The following CEP350 variants were observed in gnomAD, a reference collection of about 807,000 sequenced individuals.
The protein encoded by CEP350 is centrosome-associated protein 350.
A neutral mutation model predicts 331.8 loss-of-function variants in CEP350; 126 were observed. The observed-to-expected ratio is 0.38, with a 90% CI of 0.33 to 0.44. The LOEUF is 0.44. Ranked by LOEUF, CEP350 falls within the 20% of genes least tolerant of loss-of-function variation. The pLI is 1.00. For synonymous variants in CEP350, 1,200 were observed against 1,259.5 expected (o/e 0.95, Z 1.00); for missense variants, 3,406 against 3,634.6 (o/e 0.94, Z 1.62).
At chr1:180,045,281 G>A (rs1478275014) in intron 21 of CEP350, among the ~76,000 whole-genome samples, 1 of 152,152 alleles carries the variant, frequency 6.6e-6, no homozygotes. Context: ...GGCAGAGGTT[G>A]CAGCGAGCCA....
chr1:180,092,712 C>G lies in CEP350; in HGVS notation c.6607C>G (p.Gln2203Glu), dbSNP rs1333726376. Residue 2203 changes from glutamine to glutamate, a missense_variant, in exon 34 of 38, where the codon CAG becomes GAG. This residue lies in a region of CEP350 where 1,415 missense variants were observed against 1,512.3 expected (regional missense o/e 0.94). Transcript: ENST00000367607. ...NEWDSRTEDF[Q>E]TPSPVLRSSR... Reference sequence around the variant, plus strand: ...ATGGGACAGTCGAACAGAAGATTTTCAGACCCCATCTCCAGTTCTCAGATC... The same window carrying G: ...ATGGGACAGTCGAACAGAAGATTTTGAGACCCCATCTCCAGTTCTCAGATC... The G allele has an allele frequency of 1.2e-6, 2 of 1,611,466 alleles. No homozygotes were observed. Among genetic ancestry groups the G allele is most frequent in the Non-Finnish European group, 1.7e-6 (2 of 1,178,612 alleles).
chr1:180,090,403 G>A (rs982337203), intron 32 of CEP350, among the ~76,000 whole-genome samples: 13 of 151,272 alleles, frequency 8.6e-5, no homozygotes, highest in Non-Finnish European at 1.5e-4. Context: ...AAAATTAGCC[G>A]GGCGTGGTGG....
In CEP350 at chr1:179,990,417, G is replaced by A. The variant is rs567975866; in HGVS notation, c.121-90G>A. The A allele has an allele frequency of 1.1e-4, 61 of 570,284 alleles. No homozygotes were observed. The South Asian group carries it at 1.9e-3, about 18-fold the overall frequency. The allele number at this position is 570,284 out of a possible 1,614,324, so 35.3% of individuals were successfully genotyped here. On this transcript the variant is annotated intron_variant, in intron 3 of 37. Transcript: ENST00000367607. ...TTTCTACTTTGGAAAAAGGTATTGG[G>A]CAATATACTTTTAAATAACCATGTA...
chr1:179,974,998 GA>G (rs1023441162), intron 1 of CEP350, among the ~76,000 whole-genome samples: 3 of 146,184 alleles, frequency 2.1e-5, no homozygotes, highest in Non-Finnish European at 3.0e-5. Context: ...CTCTAAAAAA[GA>G]AAAAAAAAGA....
intron 27 of CEP350, chr1:180,073,953 C>G (rs1558142086): frequency 7.7e-7 from 1 of 1,297,824 alleles, no homozygotes; most frequent in South Asian, 1.2e-5. Flanking sequence ...AGAGCATGCT[C>G]TGTTCTTTTT....
intron 14 of CEP350, among the ~76,000 whole-genome samples, chr1:180,029,670 C>G (rs774428310): frequency 6.6e-6 from 1 of 152,150 alleles, no homozygotes; most frequent in Non-Finnish European, 1.5e-5. Flanking sequence ...CTTTCTGTCT[C>G]TATGAATTTC....
intron 1 of CEP350, among the ~76,000 whole-genome samples, chr1:179,982,375 TG>T (rs1652338052): frequency 6.6e-6 from 1 of 152,238 alleles, no homozygotes; most frequent in Admixed American, 6.5e-5. Context: ...TGCATGTAGT[TG>T]TAATTCATTC....
At position 180,020,032 on chromosome 1, in the gene CEP350, G is replaced by A; in HGVS notation, c.2258G>A (p.Gly753Glu). The A allele has an allele frequency of 1.2e-6, 2 of 1,613,930 alleles. No homozygotes were observed. The highest frequency in any genetic ancestry group is 1.7e-6 in the Non-Finnish European group (2 of 1,179,874). ...CATTCTCAACCACAGCCTTTTGCTGGAACAGCTGGAAGTTTACTCTCCCAT... is the reference window on the plus strand; with the variant it reads ...CATTCTCAACCACAGCCTTTTGCTGAAACAGCTGGAAGTTTACTCTCCCAT... ...VHHSQPQPFA[G>E]TAGSLLSHLL... The change falls in exon 12 of 38, where the codon GGA becomes GAA. Residue 753 changes from glycine to glutamate, a missense_variant. Transcript: ENST00000367607.
intron 11 of CEP350, 116 bp downstream of exon 11, chr1:180,016,086 A>G: frequency 1.6e-6 from 2 of 1,227,580 alleles, no homozygotes; most frequent in Non-Finnish European, 2.3e-6. Context: ...AGGTTTATTT[A>G]CAAATTGGTT....
At chr1:180,037,135 C>T (rs1490845865) in intron 17 of CEP350, 46 bp downstream of exon 17, 9 of 1,479,442 alleles carry the variant, frequency 6.1e-6, no homozygotes, top group African/African-American at 2.9e-5. Context: ...CTTTTTTCTT[C>T]GCTATTTAAA....
intron 22 of CEP350, among the ~76,000 whole-genome samples, chr1:180,051,125 A>G (rs1260388478): frequency 1.3e-5 from 2 of 152,220 alleles, no homozygotes; most frequent in African/African-American, 4.8e-5. Context: ...ACTAGAAGCA[A>G]CCAAGATGTC....
At chr1:180,069,872 G>T (rs1009289488) in intron 27 of CEP350, among the ~76,000 whole-genome samples, 1 of 152,130 alleles carries the variant, frequency 6.6e-6, no homozygotes, top group African/African-American at 2.4e-5. Context: ...CTAAGTTTTT[G>T]TAAGTTTTGT....
intron 13 of CEP350, 27 bp from the exon 14 acceptor site, chr1:180,024,392 G>A: frequency 6.3e-7 from 1 of 1,578,772 alleles, no homozygotes; most frequent in Non-Finnish European, 8.6e-7. Context: ...TTTCTTTCTG[G>A]AACTACTATT....
chr1:179,969,766 G>A (rs1294138291), intron 1 of CEP350, among the ~76,000 whole-genome samples: 4 of 151,758 alleles, frequency 2.6e-5, no homozygotes, highest in African/African-American at 9.7e-5. Flanking sequence ...GACTAGCCTG[G>A]GCAACAATGA....
chr1:179,980,254 G>A (rs1652175292), intron 1 of CEP350, among the ~76,000 whole-genome samples: 1 of 150,492 alleles, frequency 6.6e-6, no homozygotes, highest in Non-Finnish European at 1.5e-5. Context: ...TTACCTCCTT[G>A]GTTAAACTTA....
In CEP350 at chr1:179,990,634, T is replaced by C. The variant is rs777219780; in HGVS notation, c.235+13T>C. On this transcript the variant is annotated intron_variant, in intron 4 of 37. Coordinates refer to ENST00000367607, the MANE Select transcript of CEP350 (RefSeq NM_014810.5). ...ATAAGTAGAAAAGGTATGTATGAAG[T>C]TACTTCCAAATATATACATATATTA... 3.6e-6 allele frequency: 5 copies of C among 1,396,902 alleles called. No individual in the cohort carries two copies. The highest frequency in any genetic ancestry group is 5.0e-6 in the Non-Finnish European group (5 of 1,006,566). The allele number at this position is 1,396,902 out of a possible 1,614,324, so 86.5% of individuals were successfully genotyped here.
At chr1:179,959,149 G>A (rs1161615371) in intron 1 of CEP350, among the ~76,000 whole-genome samples, 2 of 152,192 alleles carry the variant, frequency 1.3e-5, no homozygotes, top group African/African-American at 4.8e-5. Context: ...ATTAGATCCT[G>A]TGTCAAAACA....
intron 22 of CEP350, among the ~76,000 whole-genome samples, chr1:180,051,096 G>A (rs1033641211): frequency 9.2e-5 from 14 of 152,266 alleles, no homozygotes; most frequent in South Asian, 2.1e-4. Flanking sequence ...TCATAGCAGC[G>A]TATTCATAAT....
At position 180,024,054 on chromosome 1, in the gene CEP350, C is replaced by T. The variant is rs573204586; in HGVS notation, c.3387-365C>T. ...AATATGATTTGATGCATTTTATTTC[C>T]AGGTAGAGGTAGAACATATTAAGTT... On this transcript the variant is annotated intron_variant, in intron 13 of 37. Transcript: ENST00000367607. 4.6e-5 allele frequency among the ~76,000 whole-genome samples: 7 copies of T among 151,518 alleles called. No homozygotes were observed. The South Asian group carries it at 1.5e-3, about 32-fold the overall frequency.
Sources: allele counts gnomAD v4.1 joint callset (sites outside exome capture counted in the v4.1 genomes callset), GRCh38; gene constraint gnomAD v4.1.1; regional missense constraint gnomAD v4.1.1; transcripts MANE v1.5; gene names NCBI Gene and HGNC (gene_info 2026-07-23, HGNC 2026-07-21).